Variants in NUP35 observed in about 807,000 individuals in gnomAD.
The protein encoded by NUP35 is nucleoporin 35.
In NUP35, 25 loss-of-function variants were observed where a neutral mutation model predicts 41.5. The observed-to-expected ratio is 0.60, with a 90% CI of 0.44 to 0.84. The LOEUF (loss-of-function observed/expected upper bound fraction) is 0.84, where lower values mean the gene tolerates loss of function less well. NUP35 is among the 40% of genes least tolerant of loss of function. The pLI, the probability that NUP35 is intolerant of heterozygous loss-of-function variation, is 0.00. For missense variants in NUP35, 396 were observed against 396.6 expected, an observed-to-expected ratio of 1.00 and a Z score of 0.01; for synonymous variants, 149 against 130.7, an observed-to-expected ratio of 1.14 and a Z score of -0.96.
chr2:183,132,509 G>A (rs963260959), intron 3 of NUP35, among the ~76,000 whole-genome samples: 17 of 152,082 alleles, frequency 1.1e-4, no homozygotes, highest in Admixed American at 1.1e-3. Context: ...AGTGGGCTGT[G>A]ATCGTGTTAC....
intron 4 of NUP35, among the ~76,000 whole-genome samples, chr2:183,138,834 T>C (rs1249047674): frequency 6.6e-6 from 1 of 152,216 alleles, no homozygotes; most frequent in Admixed American, 6.5e-5. Context: ...TGATATTAAG[T>C]GATAGTAGCA....
chr2:183,159,829 G>T, intron 8 of NUP35, 177 bp downstream of exon 8: 3 of 480,646 alleles, frequency 6.2e-6, no homozygotes, highest in Non-Finnish European at 1.1e-5. Context: ...TTGGCCAATT[G>T]GAAAGTTATC....
At chr2:183,134,497 C>T (rs116391940) in intron 4 of NUP35, among the ~76,000 whole-genome samples, 1,864 of 151,726 alleles carry the variant, frequency 0.012, 23 homozygotes, top group Non-Finnish European at 0.018. Context: ...GTGGCTTAAA[C>T]AATACACATT....
intron 2 of NUP35, 95 bp downstream of exon 2, chr2:183,128,552 C>A: frequency 1.4e-6 from 1 of 727,970 alleles, no homozygotes; most frequent in Non-Finnish European, 2.1e-6. Context: ...GAAGAATTGA[C>A]TTGGGCCACA....
rs777165371 is a variant in NUP35 at position 183,128,460 on chromosome 2, A to G, written c.211+3A>G. On this transcript the variant is annotated splice_donor_region_variant and intron_variant, in intron 2 of 8. Transcript: ENST00000295119. ...AATGAGATCACCTTTACTTGCAGGT[A>G]GGTGAATTGCTTAAAATAATTTTAT... 1.2e-6 allele frequency: 2 copies of G among 1,609,598 alleles called. No individual in the cohort carries two copies. Among genetic ancestry groups the G allele is most frequent in the East Asian group, 2.2e-5 (1 of 44,768 alleles).
chr2:183,126,412 G>A (rs1336631375), intron 1 of NUP35, among the ~76,000 whole-genome samples: 1 of 152,098 alleles, frequency 6.6e-6, no homozygotes, highest in Admixed American at 6.5e-5. Flanking sequence ...TAGGGAGGGG[G>A]AGTGAATGTA....
At chr2:183,133,703 G>A in intron 4 of NUP35, 80 bp downstream of exon 4, 2 of 886,960 alleles carry the variant, frequency 2.3e-6, no homozygotes, top group South Asian at 4.0e-5. Flanking sequence ...GCAGTGGTGT[G>A]ATCACGGAGT....
Position 183,161,536 on chromosome 2 carries a change from T to C in NUP35, c.*405T>C, listed in dbSNP as rs1685880811. ...ATATTATAATTAGCAATTTGAATTA[T>C]GGTCTTTTAATTTAGATAGTATTTA... On this transcript the variant is annotated 3_prime_UTR_variant, in exon 9 of 9. Coordinates refer to ENST00000295119, the MANE Select transcript of NUP35 (RefSeq NM_138285.5). 1 of 153,472 alleles carries C rather than the reference T, an allele frequency of 6.5e-6. No homozygotes were observed. Among genetic ancestry groups the C allele is most frequent in the South Asian group, 2.1e-4 (1 of 4,866 alleles). The allele number at this position is 153,472 out of a possible 1,614,324, so 9.5% of individuals were successfully genotyped here.
At chr2:183,118,195 A>G (rs925549767) in intron 1 of NUP35, 2 of 152,244 alleles carry the variant, frequency 1.3e-5, no homozygotes, top group Non-Finnish European at 2.9e-5. Context: ...CAGAACAGAA[A>G]TAGGAAACAG....
chr2:183,119,479 A>C (rs16823997), upstream of NUP35, among the ~76,000 whole-genome samples: 5,430 of 152,186 alleles, frequency 0.036, 297 homozygotes, highest in African/African-American at 0.12. Flanking sequence ...ACATGACAGA[A>C]AGAGGCTTGA....
chr2:183,134,762 C>T (rs1490939710), intron 4 of NUP35, among the ~76,000 whole-genome samples: 1 of 151,334 alleles, frequency 6.6e-6, no homozygotes, highest in Admixed American at 6.6e-5. Flanking sequence ...ATTACAGGTG[C>T]TCGCCACTGC....
chr2:183,128,696 G>C (rs1018915598), intron 2 of NUP35, among the ~76,000 whole-genome samples: 1 of 152,014 alleles, frequency 6.6e-6, no homozygotes, highest in East Asian at 1.9e-4. Context: ...GGCTTCATGC[G>C]GTGTTCAAGC....
At chr2:183,140,181 A>G (rs1685038032) in intron 4 of NUP35, among the ~76,000 whole-genome samples, 1 of 152,200 alleles carries the variant, frequency 6.6e-6, no homozygotes, top group African/African-American at 2.4e-5. Flanking sequence ...TCAGTGGACT[A>G]AAATCAAGAT....
chr2:183,142,146 A>T (rs928898815), intron 4 of NUP35, among the ~76,000 whole-genome samples: 4 of 151,710 alleles, frequency 2.6e-5, no homozygotes, highest in Admixed American at 2.6e-4. Flanking sequence ...AGAATTTATG[A>T]TATTTCTATG....
At chr2:183,129,042 A>G (rs1684601286) in intron 2 of NUP35, among the ~76,000 whole-genome samples, 2 of 152,164 alleles carry the variant, frequency 1.3e-5, no homozygotes, top group Admixed American at 1.3e-4. Flanking sequence ...TGCCTCACAG[A>G]GTTGATGAAA....
chr2:183,160,764 C>G, intron 8 of NUP35: 1 of 188,774 alleles, frequency 5.3e-6, no homozygotes. Flanking sequence ...TAAGGATATT[C>G]TAAGTCCATA....
intron 3 of NUP35, chr2:183,130,994 G>A (rs1451876199): frequency 9.0e-7 from 1 of 1,115,188 alleles, no homozygotes. Flanking sequence ...TCTTTTTTTA[G>A]GGTCCCCAAC....
rs1264936629 is a variant in NUP35 at position 183,159,512 on chromosome 2, T to G, written c.763T>G (p.Cys255Gly). Reference sequence around the variant, plus strand: ...GAGTGTTATGGAAAGCAGTGACAGATGTGCTTTATCATCTCCATCTTTAGC... The same window carrying G: ...GAGTGTTATGGAAAGCAGTGACAGAGGTGCTTTATCATCTCCATCTTTAGC... ...DKSVMESSDR[C>G]ALSSPSLAFT... The change falls in exon 8 of 9, where the codon TGT becomes GGT. Residue 255 changes from cysteine (C) to glycine (G), a missense_variant. Cys to Gly is a radical substitution (Grantham distance 159, BLOSUM62 -3). Transcript: ENST00000295119. 1.5e-5 allele frequency: 24 copies of G among 1,613,536 alleles called. No individual in the cohort carries two copies. Among genetic ancestry groups the G allele is most frequent in the Non-Finnish European group, 2.0e-5 (24 of 1,179,718 alleles).
At chr2:183,140,165 T>C (rs1484555990) in intron 4 of NUP35, among the ~76,000 whole-genome samples, 1 of 152,200 alleles carries the variant, frequency 6.6e-6, no homozygotes, top group African/African-American at 2.4e-5. Flanking sequence ...AAGTCTGAAG[T>C]AGGCCTCAGT....
Sources: allele counts gnomAD v4.1 joint callset (sites outside exome capture counted in the v4.1 genomes callset), GRCh38; gene constraint gnomAD v4.1.1; transcripts MANE v1.5; gene names NCBI Gene and HGNC (gene_info 2026-07-23, HGNC 2026-07-21).